The following GLRA3 variants were observed in gnomAD, a reference collection of about 807,000 sequenced individuals.
The protein encoded by GLRA3 is glycine receptor subunit alpha-3.
Under a neutral mutation model 60.4 loss-of-function variants are expected in GLRA3, and 44 were observed. The observed-to-expected ratio is 0.73, with a 90% CI of 0.57 to 0.94. The LOEUF (loss-of-function observed/expected upper bound fraction) is 0.94, where lower values mean the gene tolerates loss of function less well. GLRA3 is among the 40% of genes least tolerant of loss of function. The probability of loss-of-function intolerance (pLI) is 0.00; values close to 1 mark genes in which losing one functional copy is unlikely to be tolerated. For synonymous variants in GLRA3, 223 were observed against 192.9 expected, an observed-to-expected ratio of 1.16 and a Z score of -1.29; for missense variants, 508 against 564.6, an observed-to-expected ratio of 0.90 and a Z score of 1.02.
chr4:174,698,467 G>A (rs758766731), intron 5 of GLRA3, among the ~76,000 whole-genome samples: 2 of 152,144 alleles, frequency 1.3e-5, no homozygotes, highest in Non-Finnish European at 2.9e-5. Flanking sequence ...GGGATTACAA[G>A]TGTGAGCCAC....
At chr4:174,808,556 G>A (rs6851555) in intron 1 of GLRA3, among the ~76,000 whole-genome samples, 3 of 151,918 alleles carry the variant, frequency 2.0e-5, no homozygotes, top group East Asian at 1.9e-4. Context: ...GACTGCATGC[G>A]TTCTAGTTAG....
intron 5 of GLRA3, among the ~76,000 whole-genome samples, chr4:174,689,287 T>C (rs1734688375): frequency 3.3e-5 from 5 of 152,170 alleles, no homozygotes; most frequent in Admixed American, 3.3e-4. Context: ...CATCTAATAA[T>C]TGTACTATTT....
intron 9 of GLRA3, among the ~76,000 whole-genome samples, chr4:174,652,059 T>C (rs1252716036): frequency 1.3e-5 from 2 of 152,048 alleles, no homozygotes; most frequent in Admixed American, 6.6e-5. Context: ...TAAGCATGGA[T>C]GAAGCTTTTC....
At chr4:174,691,483 C>T (rs1028624204) in intron 5 of GLRA3, among the ~76,000 whole-genome samples, 1 of 152,222 alleles carries the variant, frequency 6.6e-6, no homozygotes, top group Non-Finnish European at 1.5e-5. Context: ...TCACTGCAAC[C>T]TCCCTGCCTG....
intron 9 of GLRA3, among the ~76,000 whole-genome samples, chr4:174,652,479 C>A (rs1297395782): frequency 6.6e-6 from 1 of 152,108 alleles, no homozygotes; most frequent in South Asian, 2.1e-4. Context: ...TACTATGTTT[C>A]AAGCAAGTTA....
intron 1 of GLRA3, among the ~76,000 whole-genome samples, chr4:174,800,626 T>C (rs1739772118): frequency 2.0e-5 from 3 of 151,996 alleles, no homozygotes. Context: ...AAAACTTTCT[T>C]TACTCTATCA....
chr4:174,702,794 C>T (rs1735374402), intron 5 of GLRA3, among the ~76,000 whole-genome samples: 1 of 152,166 alleles, frequency 6.6e-6, no homozygotes, highest in South Asian at 2.1e-4. Context: ...TCTCAAACTC[C>T]TGGCCTCAAG....
intron 3 of GLRA3, among the ~76,000 whole-genome samples, chr4:174,762,943 T>G (rs765903368): frequency 2.0e-5 from 3 of 152,170 alleles, no homozygotes; most frequent in Non-Finnish European, 4.4e-5. Flanking sequence ...TCAGAAGTCT[T>G]TTATCATCAG....
At chr4:174,811,175 T>C (rs1040902336) in intron 1 of GLRA3, among the ~76,000 whole-genome samples, 4 of 146,192 alleles carry the variant, frequency 2.7e-5, no homozygotes, top group African/African-American at 1.0e-4. Context: ...CACAAGGTAC[T>C]TCCCCGCCTG....
chr4:174,674,210 TA>T (rs1734017749), intron 7 of GLRA3, among the ~76,000 whole-genome samples: 1 of 152,074 alleles, frequency 6.6e-6, no homozygotes, highest in East Asian at 1.9e-4. Flanking sequence ...ACCCAATCAT[TA>T]CCAAGGCCTA....
chr4:174,750,865 G>A (rs1334823195), intron 3 of GLRA3, among the ~76,000 whole-genome samples: 4 of 152,154 alleles, frequency 2.6e-5, no homozygotes, highest in Admixed American at 2.6e-4. Context: ...GGGAAATAAA[G>A]GGCCCAGGAC....
intron 3 of GLRA3, among the ~76,000 whole-genome samples, chr4:174,753,112 C>G (rs561806470): frequency 6.6e-6 from 1 of 152,246 alleles, no homozygotes; most frequent in East Asian, 1.9e-4. Flanking sequence ...TTCAGTTTCT[C>G]ATTGACTTCC....
chr4:174,772,195 T>G (rs28480023), intron 2 of GLRA3, among the ~76,000 whole-genome samples: 12,097 of 152,258 alleles, frequency 0.079, 836 homozygotes, highest in East Asian at 0.38. Flanking sequence ...ATTGACTAAT[T>G]TAGGCTTTCA....
At chr4:174,791,790 C>T (rs1561122114) in intron 1 of GLRA3, among the ~76,000 whole-genome samples, 1 of 152,132 alleles carries the variant, frequency 6.6e-6, no homozygotes, top group Admixed American at 6.5e-5. Flanking sequence ...GAAAACTGGA[C>T]ATTTTAAGTA....
intron 3 of GLRA3, among the ~76,000 whole-genome samples, chr4:174,753,633 C>T (rs1012204868): frequency 6.6e-6 from 1 of 152,058 alleles, no homozygotes; most frequent in Non-Finnish European, 1.5e-5. Flanking sequence ...ATAATCTGAT[C>T]ATTTCTATGT....
At chr4:174,655,165 G>A (rs916764153) in intron 9 of GLRA3, among the ~76,000 whole-genome samples, 4 of 151,938 alleles carry the variant, frequency 2.6e-5, no homozygotes, top group African/African-American at 9.7e-5. Context: ...ACAATAAAGG[G>A]CATAGTACCA....
intron 8 of GLRA3, 77 bp from the exon 9 acceptor site, chr4:174,656,864 CA>C: frequency 1.2e-6 from 1 of 833,072 alleles, no homozygotes; most frequent in Non-Finnish European, 2.1e-6. Context: ...TATAATTACA[CA>C]ATTGGTTGTA....
rs1172541752 is a variant in GLRA3 at position 174,640,372 on chromosome 4, C to T, written c.*3414G>A. 2 of 152,138 alleles carry T rather than the reference C, an allele frequency of 1.3e-5. No homozygotes were observed. Among genetic ancestry groups the T allele is most frequent in the East Asian group, 3.9e-4 (2 of 5,182 alleles). 9.4% of individuals were successfully genotyped at this position (152,138 alleles called of 1,614,324 possible). Reference sequence around the variant, plus strand: ...CAAGTCTCTTGTATTCTCTCATGTCCATTTCCTGGAATGTGTACTTTATAG... The same window carrying T: ...CAAGTCTCTTGTATTCTCTCATGTCTATTTCCTGGAATGTGTACTTTATAG... On this transcript the variant is annotated 3_prime_UTR_variant, in exon 10 of 10. Coordinates refer to ENST00000274093, the MANE Select transcript of GLRA3 (RefSeq NM_006529.4).
At chr4:174,687,909 A>T (rs950770625) in intron 5 of GLRA3, among the ~76,000 whole-genome samples, 1 of 152,166 alleles carries the variant, frequency 6.6e-6, no homozygotes, top group South Asian at 2.1e-4. Context: ...TTAAAAGAGT[A>T]GGAAGAGTTC....
Sources: gnomAD v4.1 joint callset for allele counts (sites outside exome capture counted in the v4.1 genomes callset) on GRCh38, gnomAD v4.1.1 for gene constraint, MANE v1.5 for transcripts, NCBI Gene and HGNC (gene_info 2026-07-23, HGNC 2026-07-21) for gene names.